The following STK32B variants were observed in gnomAD, a reference collection of about 807,000 sequenced individuals.
The protein encoded by STK32B is serine/threonine kinase 32B.
In STK32B, 43 loss-of-function variants were observed where a neutral mutation model predicts 52.6. That is an observed-to-expected ratio of 0.82 (90% CI 0.64 to 1.05). The LOEUF (loss-of-function observed/expected upper bound fraction) is 1.05. STK32B is among the 50% of genes least tolerant of loss of function. The probability of loss-of-function intolerance (pLI) is 0.00; values close to 1 mark genes in which losing one functional copy is unlikely to be tolerated. For synonymous variants in STK32B, 238 were observed against 204.3 expected, an observed-to-expected ratio of 1.17 and a Z score of -1.41; for missense variants, 621 against 534.6, an observed-to-expected ratio of 1.16 and a Z score of -1.59.
the STK32B span, among the ~76,000 whole-genome samples, chr4:5,034,562 A>G: frequency 2.0e-4 from 31 of 152,216 alleles, no homozygotes; most frequent in African/African-American, 7.5e-4. Flanking sequence ...TTTCCTTTTC[A>G]CGATGAATCG....
chr4:5,069,231 C>T (rs1711608342), intron 1 of STK32B, among the ~76,000 whole-genome samples: 1 of 143,090 alleles, frequency 7.0e-6, no homozygotes, highest in African/African-American at 2.7e-5. Context: ...CTCGCTCTGT[C>T]GCCCAGGCTG....
chr4:5,381,607 C>A (rs528251104), intron 4 of STK32B, among the ~76,000 whole-genome samples: 13 of 152,344 alleles, frequency 8.5e-5, no homozygotes, highest in African/African-American at 3.1e-4. Context: ...ATATGGGACT[C>A]TGTTTACTTC....
intron 1 of STK32B, among the ~76,000 whole-genome samples, chr4:5,052,843 C>T (rs969081944): frequency 3.9e-5 from 6 of 152,160 alleles, no homozygotes; most frequent in Non-Finnish European, 7.4e-5. Flanking sequence ...CAGGTAAGAG[C>T]TGAGACATAC....
At chr4:5,468,490 C>T (rs1023208506) in intron 11 of STK32B, among the ~76,000 whole-genome samples, 2 of 152,204 alleles carry the variant, frequency 1.3e-5, no homozygotes, top group Admixed American at 6.5e-5. Context: ...GGAGAGGCCT[C>T]CTTAAGACGC....
chr4:5,460,098 T>C lies in STK32B; in HGVS notation c.784-5T>C, dbSNP rs1422237369. ...CATGGAAACTCATTTGCCCTCTAAC[T>C]GCAGCTCCTGACCAAGGATCCTGAG... On this transcript the variant is annotated splice_polypyrimidine_tract_variant and splice_region_variant and intron_variant, in intron 8 of 11. Coordinates refer to ENST00000282908, the MANE Select transcript of STK32B (RefSeq NM_018401.3). This position sits in a 1 kb window ranked among gnomAD's most constrained non-coding sequence, Gnocchi z 4.8. 1 of 1,614,212 alleles carries C rather than the reference T, an allele frequency of 6.2e-7. No individual in the cohort carries two copies.
intron 3 of STK32B, among the ~76,000 whole-genome samples, chr4:5,210,433 A>G (rs1184150465): frequency 2.6e-5 from 4 of 152,128 alleles, no homozygotes; most frequent in Non-Finnish European, 4.4e-5. Flanking sequence ...CATTCACAGC[A>G]TAGCTAGTCT....
At chr4:5,093,005 C>G (rs138488949) in intron 1 of STK32B, among the ~76,000 whole-genome samples, 1 of 152,048 alleles carries the variant, frequency 6.6e-6, no homozygotes, top group Non-Finnish European at 1.5e-5. Flanking sequence ...ATGGTTGATC[C>G]TTGAACAACA....
At chr4:5,245,353 G>T (rs944708520) in intron 3 of STK32B, among the ~76,000 whole-genome samples, 1 of 152,116 alleles carries the variant, frequency 6.6e-6, no homozygotes, top group Non-Finnish European at 1.5e-5. Flanking sequence ...TGTCTCTTTT[G>T]ATCTTGGTTG....
intron 3 of STK32B, among the ~76,000 whole-genome samples, chr4:5,311,129 A>G (rs929611846): frequency 2.0e-5 from 3 of 152,172 alleles, no homozygotes; most frequent in African/African-American, 7.2e-5. Flanking sequence ...AATAAGTCCT[A>G]TGTAGATGTG....
intron 11 of STK32B, among the ~76,000 whole-genome samples, chr4:5,478,717 C>T (rs1037737079): frequency 2.6e-5 from 4 of 152,176 alleles, no homozygotes; most frequent in African/African-American, 9.7e-5. Flanking sequence ...TCTGCAGTAC[C>T]TTGGGGCTCC....
intron 1 of STK32B, among the ~76,000 whole-genome samples, chr4:5,124,872 C>T (rs1475357477): frequency 1.3e-5 from 2 of 152,166 alleles, no homozygotes; most frequent in Non-Finnish European, 2.9e-5. Context: ...ATGAACCTTC[C>T]CCTCCAATCT....
intron 6 of STK32B, among the ~76,000 whole-genome samples, chr4:5,424,540 G>A (rs1440267856): frequency 1.3e-5 from 2 of 152,208 alleles, no homozygotes; most frequent in African/African-American, 2.4e-5. Flanking sequence ...ACCTGCCTGC[G>A]GAGAGGAGCT....
intron 9 of STK32B, among the ~76,000 whole-genome samples, chr4:5,466,378 G>T (rs950989679): frequency 3.3e-5 from 5 of 152,144 alleles, no homozygotes; most frequent in African/African-American, 1.2e-4. Flanking sequence ...ATGTGCATAG[G>T]ATAAAATAAT....
intron 3 of STK32B, among the ~76,000 whole-genome samples, chr4:5,190,381 AT>A: frequency 6.6e-6 from 1 of 152,222 alleles, no homozygotes; most frequent in Admixed American, 6.5e-5. Context: ...TTGCTTCTCC[AT>A]TTTGCAGAGG....
chr4:5,446,632 T>C lies in STK32B; in HGVS notation c.563-41T>C, dbSNP rs1258674157. 2.5e-6 allele frequency: 4 copies of C among 1,571,602 alleles called. No homozygotes were observed. The African/African-American group carries it at 4.1e-5, about 16-fold the overall frequency. On this transcript the variant is annotated intron_variant, in intron 6 of 11. Coordinates refer to ENST00000282908, the MANE Select transcript of STK32B (RefSeq NM_018401.3). ...TCTCTAAGGGGTGGTGGCCATAAAC[T>C]GGGATACACAATGATGTTCTCCTTG... is the stretch of plus-strand genomic sequence containing the variant.
At chr4:5,177,486 G>A (rs1720003113) in intron 3 of STK32B, among the ~76,000 whole-genome samples, 1 of 151,966 alleles carries the variant, frequency 6.6e-6, no homozygotes. Context: ...TCTGCCCCTG[G>A]TCCCTCCCAG....
chr4:5,042,801 T>C, the STK32B span, among the ~76,000 whole-genome samples: 1 of 152,212 alleles, frequency 6.6e-6, no homozygotes, highest in East Asian at 1.9e-4. Context: ...CAATAGCTCC[T>C]AGGCTACAAA....
At chr4:5,117,809 A>C (rs983914522) in intron 1 of STK32B, among the ~76,000 whole-genome samples, 2 of 152,122 alleles carry the variant, frequency 1.3e-5, no homozygotes, top group African/African-American at 4.8e-5. Context: ...CTGATATTTT[A>C]GATCATATAA....
intron 4 of STK32B, among the ~76,000 whole-genome samples, chr4:5,384,820 G>A (rs995730704): frequency 6.6e-6 from 1 of 152,174 alleles, no homozygotes; most frequent in East Asian, 1.9e-4. Context: ...GGGCTGTGAC[G>A]ATTCCAGAGT....
Sources: gnomAD v4.1 joint callset for allele counts (sites outside exome capture counted in the v4.1 genomes callset) on GRCh38, gnomAD v4.1.1 for gene constraint, Gnocchi (gnomAD v3.1) non-coding constraint, MANE v1.5 for transcripts, NCBI Gene and HGNC (gene_info 2026-07-23, HGNC 2026-07-21) for gene names.